Variants in ERVH48-1 observed in about 807,000 individuals in gnomAD.
ERVH48-1 encodes endogenous retrovirus group 48 member 1, envelope.
Under a neutral mutation model 2.4 loss-of-function variants are expected in ERVH48-1, and 4 were observed. The ratio of observed to expected loss-of-function variants is 1.68; its 90% confidence interval spans 0.83 to 3.84. The LOEUF is 3.84. Ranked by LOEUF, ERVH48-1 falls within the 30% of genes most tolerant of loss-of-function variation. The pLI is 0.01. For synonymous variants in ERVH48-1, 32 were observed against 15.5 expected, an observed-to-expected ratio of 2.06 and a Z score of -2.49; for missense variants, 97 against 43.4, an observed-to-expected ratio of 2.23 and a Z score of -3.47.
intron 1 of ERVH48-1, among the ~76,000 whole-genome samples, chr21:42,921,722 T>C (rs1017165013): frequency 6.6e-6 from 1 of 151,806 alleles, no homozygotes. Flanking sequence ...CTTGAGGTAG[T>C]AGGCACCAGT....
chr21:42,919,063 G>A lies in ERVH48-1; in HGVS notation c.-57C>T, dbSNP rs950655255. 44 of 1,213,514 alleles carry A rather than the reference G, an allele frequency of 3.6e-5. No individual in the cohort carries two copies. The Middle Eastern group carries it at 9.6e-4, about 26-fold the overall frequency. 75.2% of individuals were successfully genotyped at this position (1,213,514 alleles called of 1,614,324 possible). On this transcript the variant is annotated 5_prime_UTR_variant, in exon 2 of 2. Coordinates refer to ENST00000447535, the MANE Select transcript of ERVH48-1 (RefSeq NM_001308491.2). ...TTTTGGTTTTAAGAAAAAAATGTTG[G>A]TTAATTTAAACTTGGTAGGAGAAAT...
Position 42,925,452 on chromosome 21 carries a change from G to T in ERVH48-1, c.-392C>A, listed in dbSNP as rs1041485310. 4.3e-6 allele frequency: 2 copies of T among 463,428 alleles called. No individual in the cohort carries two copies. The highest frequency in any genetic ancestry group is 4.0e-6 in the Non-Finnish European group (1 of 249,822). 28.7% of individuals were successfully genotyped at this position (463,428 alleles called of 1,614,324 possible). ...GCCTGCTTTCCCAGATGGAGGGGTG[G>T]TAGGTCCACTGGGGACGTGGACGGA... On this transcript the variant is annotated 5_prime_UTR_variant, in exon 1 of 2. Coordinates refer to ENST00000447535, the MANE Select transcript of ERVH48-1 (RefSeq NM_001308491.2).
At chr21:42,923,596 T>A (rs950773551) in intron 1 of ERVH48-1, among the ~76,000 whole-genome samples, 14 of 152,156 alleles carry the variant, frequency 9.2e-5, no homozygotes, top group African/African-American at 3.4e-4. Flanking sequence ...TTTTTCATAG[T>A]TTACCGCTTT....
intron 1 of ERVH48-1, among the ~76,000 whole-genome samples, chr21:42,924,826 C>T (rs1214881390): frequency 2.0e-5 from 3 of 152,048 alleles, no homozygotes; most frequent in Non-Finnish European, 2.9e-5. Flanking sequence ...CCTGGACAGC[C>T]GGAGGGAGAC....
chr21:42,923,337 T>G (rs1042735134), intron 1 of ERVH48-1, among the ~76,000 whole-genome samples: 3 of 152,216 alleles, frequency 2.0e-5, no homozygotes, highest in South Asian at 2.1e-4. Context: ...TTCACTTTCT[T>G]CATCACAATT....
Position 42,919,224 on chromosome 21 carries a change from G to A in ERVH48-1, c.-218C>T, listed in dbSNP as rs572744323. On this transcript the variant is annotated 5_prime_UTR_variant, in exon 2 of 2. Transcript: ENST00000447535. ...CAGTTGGTGTGCTGAGTATCACAGT[G>A]TAGGGGCCTGTCCACTTCGGTGGTA... 6.9e-5 allele frequency: 26 copies of A among 375,254 alleles called. No homozygotes were observed. The highest frequency in any genetic ancestry group is 1.2e-4 in the Non-Finnish European group (26 of 211,666). The allele number at this position is 375,254 out of a possible 1,614,324, so 23.2% of individuals were successfully genotyped here. A position where few individuals can be genotyped will look rare whatever the true frequency, so the allele number is the denominator to read the frequency against.
intron 1 of ERVH48-1, among the ~76,000 whole-genome samples, chr21:42,921,118 A>G (rs772766524): frequency 2.0e-5 from 3 of 152,068 alleles, no homozygotes; most frequent in Non-Finnish European, 4.4e-5. Flanking sequence ...GAGGTAGGCA[A>G]CAACCTGGAG....
chr21:42,917,328 G>A lies in ERVH48-1; in HGVS notation c.*1196C>T, dbSNP rs1412658183. On this transcript the variant is annotated 3_prime_UTR_variant, in exon 2 of 2. Coordinates refer to ENST00000447535, the MANE Select transcript of ERVH48-1 (RefSeq NM_001308491.2). ...CTGTAGTTTCAACAAGAGTTTTAAT[G>A]GGATACCACAGGGGAGAAACAGGAG... The A allele has an allele frequency of 6.6e-6, 1 of 152,062 alleles. No individual in the cohort carries two copies. The highest frequency in any genetic ancestry group is 1.9e-4 in the East Asian group (1 of 5,184). The allele number at this position is 152,062 out of a possible 1,614,324, so 9.4% of individuals were successfully genotyped here. A position where few individuals can be genotyped will look rare whatever the true frequency, so the allele number is the denominator to read the frequency against.
rs890209425 is a variant in ERVH48-1 at position 42,918,333 on chromosome 21, G to A, written c.*191C>T. On this transcript the variant is annotated 3_prime_UTR_variant, in exon 2 of 2. Coordinates refer to ENST00000447535, the MANE Select transcript of ERVH48-1 (RefSeq NM_001308491.2). ...AGTGTCCAGGACTGCGGGCATTCCT[G>A]AGGAGTGAAAGTGAGTCTGGGGTTT... The A allele has an allele frequency of 8.4e-6, 3 of 358,776 alleles. No individual in the cohort carries two copies. Among genetic ancestry groups the A allele is most frequent in the African/African-American group, 6.4e-5 (3 of 46,724 alleles). The allele number at this position is 358,776 out of a possible 1,614,324, so 22.2% of individuals were successfully genotyped here. A position where few individuals can be genotyped will look rare whatever the true frequency, so the allele number is the denominator to read the frequency against.
rs2058790493 is a variant in ERVH48-1 at position 42,916,956 on chromosome 21, G to A, written c.*1568C>T. 1 of 152,394 alleles carries A rather than the reference G, an allele frequency of 6.6e-6. No individual in the cohort carries two copies. Among genetic ancestry groups the A allele is most frequent in the Non-Finnish European group, 1.5e-5 (1 of 68,234 alleles). The allele number at this position is 152,394 out of a possible 1,614,324, so 9.4% of individuals were successfully genotyped here. ...CGTGACTGCTATGTAGTACCAGGGC[G>A]ACCTCCCTCTTGATCTTCAGGGGGT... On this transcript the variant is annotated 3_prime_UTR_variant, in exon 2 of 2. Coordinates refer to ENST00000447535, the MANE Select transcript of ERVH48-1 (RefSeq NM_001308491.2).
intron 1 of ERVH48-1, 170 bp from the exon 2 acceptor site, chr21:42,919,461 A>C (rs1405451827): frequency 6.4e-6 from 1 of 155,552 alleles, no homozygotes; most frequent in Non-Finnish European, 1.4e-5. Context: ...AAGTTCGGCC[A>C]TACATGATCT....
rs936706294 is a variant in ERVH48-1, at chr21:42,918,049, T to C, written c.*475A>G. 2.6e-5 allele frequency: 4 copies of C among 155,414 alleles called. No individual in the cohort carries two copies. Among genetic ancestry groups the C allele is most frequent in the Admixed American group, 2.5e-4 (4 of 15,848 alleles). 9.6% of individuals were successfully genotyped at this position (155,414 alleles called of 1,614,324 possible). On this transcript the variant is annotated 3_prime_UTR_variant, in exon 2 of 2. Coordinates refer to ENST00000447535, the MANE Select transcript of ERVH48-1 (RefSeq NM_001308491.2). ...CCATTGTCAGCTGGTGTTCCTAGGATTGTCGCATAGTACACTTAGGCGGAG... is the reference window on the plus strand; with the variant it reads ...CCATTGTCAGCTGGTGTTCCTAGGACTGTCGCATAGTACACTTAGGCGGAG...
chr21:42,923,063 G>C (rs570554489), intron 1 of ERVH48-1, among the ~76,000 whole-genome samples: 125 of 152,354 alleles, frequency 8.2e-4, no homozygotes, highest in African/African-American at 2.8e-3. Context: ...GGTTTTGGCC[G>C]GCTCAGGAAG....
intron 1 of ERVH48-1, among the ~76,000 whole-genome samples, chr21:42,922,462 C>T (rs570589907): frequency 1.1e-4 from 17 of 151,796 alleles, no homozygotes; most frequent in Middle Eastern, 6.8e-3. Flanking sequence ...GAAGGAAGGC[C>T]GGGCGCGGTG....
rs2058802199 is a variant in ERVH48-1, at chr21:42,920,352, C to A, written c.-285-1061G>T. ...TGTTTGGCTACTCTATCTGCTAAAG[C>A]ATTTCTGGCCAATATAGGATTGTCT... On this transcript the variant is annotated intron_variant, in intron 1 of 1. Transcript: ENST00000447535. 2.0e-5 allele frequency among the ~76,000 whole-genome samples: 3 copies of A among 152,144 alleles called. No individual in the cohort carries two copies. In the South Asian group the frequency reaches 6.2e-4, roughly 31 times the overall value.
chr21:42,916,885 G>C lies in ERVH48-1; in HGVS notation c.*1639C>G, dbSNP rs2058790312. On this transcript the variant is annotated 3_prime_UTR_variant, in exon 2 of 2. Transcript: ENST00000447535. The stretch of plus-strand genomic sequence containing the variant: ...GGCATCAGCCCCAAGTGAGGATGGG[G>C]CAGGGGTTTTATAGTCCTCTGTAAA... The C allele has an allele frequency of 6.2e-6, 1 of 160,782 alleles. No homozygotes were observed. The highest frequency in any genetic ancestry group is 1.3e-5 in the Non-Finnish European group (1 of 74,348). 10.0% of individuals were successfully genotyped at this position (160,782 alleles called of 1,614,324 possible). A position where few individuals can be genotyped will look rare whatever the true frequency, so the allele number is the denominator to read the frequency against.
At position 42,919,058 on chromosome 21, in the gene ERVH48-1, T is replaced by C; in HGVS notation, c.-52A>G. 1 of 1,216,118 alleles carries C rather than the reference T, an allele frequency of 8.2e-7. No individual in the cohort carries two copies. The highest frequency in any genetic ancestry group is 1.1e-6 in the Non-Finnish European group (1 of 951,932). The allele number at this position is 1,216,118 out of a possible 1,614,324, so 75.3% of individuals were successfully genotyped here. A position where few individuals can be genotyped will look rare whatever the true frequency, so the allele number is the denominator to read the frequency against. ...TTGTGTTTTGGTTTTAAGAAAAAAATGTTGGTTAATTTAAACTTGGTAGGA... is the reference window on the plus strand; with the variant it reads ...TTGTGTTTTGGTTTTAAGAAAAAAACGTTGGTTAATTTAAACTTGGTAGGA... On this transcript the variant is annotated 5_prime_UTR_variant, in exon 2 of 2. Transcript: ENST00000447535.
Position 42,917,293 on chromosome 21 carries a change from A to C in ERVH48-1, c.*1231T>G, listed in dbSNP as rs1479402909. ...TAGCAGGAGCATCATCTGGATTGTC[A>C]GGAGGTTAACTGTAGTTTCAACAAG... is the stretch of plus-strand genomic sequence containing the variant. On this transcript the variant is annotated 3_prime_UTR_variant, in exon 2 of 2. Coordinates refer to ENST00000447535, the MANE Select transcript of ERVH48-1 (RefSeq NM_001308491.2). 6.6e-6 allele frequency: 1 copy of C among 152,192 alleles called. No individual in the cohort carries two copies. The highest frequency in any genetic ancestry group is 1.5e-5 in the Non-Finnish European group (1 of 68,048). 9.4% of individuals were successfully genotyped at this position (152,192 alleles called of 1,614,324 possible). A position where few individuals can be genotyped will look rare whatever the true frequency, so the allele number is the denominator to read the frequency against.
intron 1 of ERVH48-1, among the ~76,000 whole-genome samples, chr21:42,924,315 A>C (rs959211110): frequency 1.3e-5 from 2 of 152,090 alleles, no homozygotes; most frequent in African/African-American, 4.8e-5. Flanking sequence ...CTGGGAAGAC[A>C]AAGAGGAGGC....
Sources: gnomAD v4.1 joint callset for allele counts (sites outside exome capture counted in the v4.1 genomes callset) on GRCh38, gnomAD v4.1.1 for gene constraint, MANE v1.5 for transcripts, NCBI Gene and HGNC (gene_info 2026-07-23, HGNC 2026-07-21) for gene names.